Variants in DAB1 observed in about 807,000 individuals in gnomAD.
DAB1 encodes DAB adaptor protein 1, also known as disabled homolog 1.
In DAB1, 15 loss-of-function variants were observed where a neutral mutation model predicts 64.6. That is an observed-to-expected ratio of 0.23 (90% confidence interval 0.16 to 0.36). The LOEUF (loss-of-function observed/expected upper bound fraction) is 0.36. Among genes scored for constraint, DAB1 ranks in the 10% least tolerant of loss-of-function variants. The probability of loss-of-function intolerance (pLI) is 1.00; values close to 1 mark genes in which losing one functional copy is unlikely to be tolerated. For missense variants in DAB1, 596 were observed against 706.7 expected, an observed-to-expected ratio of 0.84 and a Z score of 1.78; for synonymous variants, 235 against 251.9, an observed-to-expected ratio of 0.93 and a Z score of 0.64.
At chr1:58,242,201 A>G (rs1194513363) in intron 4 of DAB1, among the ~76,000 whole-genome samples, 1 of 152,110 alleles carries the variant, frequency 6.6e-6, no homozygotes, top group Non-Finnish European at 1.5e-5. Context: ...ATAGTTTTCC[A>G]TAGCGTTTTA....
intron 5 of DAB1, among the ~76,000 whole-genome samples, chr1:58,061,519 A>G (rs1238678308): frequency 1.3e-5 from 2 of 152,178 alleles, no homozygotes; most frequent in Non-Finnish European, 2.9e-5. Context: ...CTGTCTGTCC[A>G]AATTTTCCCT....
At chr1:58,295,349 T>C (rs1029854471) in intron 4 of DAB1, among the ~76,000 whole-genome samples, 2 of 152,156 alleles carry the variant, frequency 1.3e-5, no homozygotes, top group Non-Finnish European at 2.9e-5. Context: ...AAATAATTGA[T>C]TTCAGTCACG....
intron 2 of DAB1, among the ~76,000 whole-genome samples, chr1:58,515,238 A>G (rs1005760572): frequency 1.3e-5 from 2 of 152,198 alleles, no homozygotes; most frequent in Non-Finnish European, 2.9e-5. Context: ...TCTTGAGATA[A>G]TTTCAGCTAA....
At chr1:58,050,794 G>T (rs547973108) in intron 5 of DAB1, among the ~76,000 whole-genome samples, 1 of 152,252 alleles carries the variant, frequency 6.6e-6, no homozygotes, top group East Asian at 1.9e-4. Flanking sequence ...CTCCCAAAGT[G>T]CTGAGATTAC....
At chr1:57,929,732 G>A (rs1430849698) in intron 5 of DAB1, among the ~76,000 whole-genome samples, 1 of 152,146 alleles carries the variant, frequency 6.6e-6, no homozygotes, top group African/African-American at 2.4e-5. Context: ...AAAGGTCCAA[G>A]GGGAAGCATG....
chr1:58,210,126 AT>A lies in DAB1; in HGVS notation n.310-59539del, dbSNP rs539337087. Reference sequence around the variant, plus strand: ...ACTTACAACAACTCTTGAGGTTGATATTTTTACACGAATTTTTAAAATATAA... The same window carrying A: ...ACTTACAACAACTCTTGAGGTTGATATTTTACACGAATTTTTAAAATATAA... On this transcript the variant is annotated intron_variant and non_coding_transcript_variant, in intron 4 of 20. Coordinates refer to the DAB1 transcript ENST00000485760. Among the ~76,000 whole-genome samples the A allele has an allele frequency of 8.5e-5, 13 of 152,306 alleles. No individual in the cohort carries two copies. In the South Asian group the frequency reaches 2.7e-3, roughly 32 times the overall value.
rs140675206 is a variant in DAB1 at position 58,008,315 on chromosome 1, T to C, written n.388-124153A>G. Reference sequence around the variant, plus strand: ...TAAGGTGTATGGATCTTGTGGTAAATAATTATAATATAGGGTAAAGGTAAA... The same window carrying C: ...TAAGGTGTATGGATCTTGTGGTAAACAATTATAATATAGGGTAAAGGTAAA... On this transcript the variant is annotated intron_variant and non_coding_transcript_variant, in intron 5 of 20. Coordinates refer to the DAB1 transcript ENST00000485760. 2.7e-3 allele frequency among the ~76,000 whole-genome samples: 413 copies of C among 152,160 alleles called. 1 individual carries two copies. Among genetic ancestry groups the C allele is most frequent in the Non-Finnish European group, 4.5e-3 (309 of 67,990 alleles).
At chr1:58,326,623 A>G (rs888918641) in intron 4 of DAB1, among the ~76,000 whole-genome samples, 2 of 152,222 alleles carry the variant, frequency 1.3e-5, no homozygotes, top group Non-Finnish European at 2.9e-5. Context: ...TAATTCTGAC[A>G]GCAACCCAGT....
At chr1:57,980,687 T>C (rs1245961488) in intron 5 of DAB1, among the ~76,000 whole-genome samples, 1 of 152,172 alleles carries the variant, frequency 6.6e-6, no homozygotes, top group Non-Finnish European at 1.5e-5. Flanking sequence ...CCATTCCTGA[T>C]AAAATGGATA....
chr1:57,892,482 A>G (rs1353123440), intron 5 of DAB1, among the ~76,000 whole-genome samples: 1 of 152,176 alleles, frequency 6.6e-6, no homozygotes, highest in African/African-American at 2.4e-5. Flanking sequence ...ATAGGTCACT[A>G]TTAATATTAT....
chr1:58,529,226 C>T (rs1243303479), intron 1 of DAB1, among the ~76,000 whole-genome samples: 1 of 152,126 alleles, frequency 6.6e-6, no homozygotes, highest in African/African-American at 2.4e-5. Flanking sequence ...CAATTTGTCT[C>T]ATAGAATTTT....
At chr1:57,744,597 A>G (rs1186156000) in intron 6 of DAB1, among the ~76,000 whole-genome samples, 24 of 152,160 alleles carry the variant, frequency 1.6e-4, no homozygotes. Context: ...AGGAAGTGGA[A>G]AGAAAACTAT....
chr1:57,356,300 A>G (rs1426361213), intron 1 of DAB1, among the ~76,000 whole-genome samples: 1 of 152,130 alleles, frequency 6.6e-6, no homozygotes, highest in Non-Finnish European at 1.5e-5. Context: ...ACATGACTTA[A>G]ACTTGCTCAG....
chr1:57,884,990 A>G (rs1644201443), upstream of DAB1, among the ~76,000 whole-genome samples: 1 of 152,206 alleles, frequency 6.6e-6, no homozygotes, highest in African/African-American at 2.4e-5. Flanking sequence ...CCTCAGTAGC[A>G]GATGTTGGCA....
At chr1:57,774,991 T>C (rs1246518977) in intron 6 of DAB1, among the ~76,000 whole-genome samples, 2 of 151,670 alleles carry the variant, frequency 1.3e-5, no homozygotes, top group African/African-American at 4.8e-5. Context: ...TCTATCAACT[T>C]TTTAAAGTTT....
intron 5 of DAB1, among the ~76,000 whole-genome samples, chr1:57,959,180 A>T (rs1317747937): frequency 1.3e-5 from 2 of 152,170 alleles, no homozygotes; most frequent in Non-Finnish European, 2.9e-5. Context: ...TGTATTCCTT[A>T]ACCTTTCATT....
At chr1:57,380,445 A>G (rs139541301) in intron 1 of DAB1, among the ~76,000 whole-genome samples, 2 of 152,338 alleles carry the variant, frequency 1.3e-5, no homozygotes, top group East Asian at 1.9e-4. Flanking sequence ...ACTTTTTACC[A>G]TAGCTAACAT....
chr1:57,957,715 C>T (rs1001934881), intron 5 of DAB1, among the ~76,000 whole-genome samples: 6 of 152,006 alleles, frequency 3.9e-5, no homozygotes, highest in East Asian at 1.9e-4. Context: ...GATTGGTCAA[C>T]GAGGTAGAAA....
chr1:57,176,562 A>G (rs1486695341), intron 2 of DAB1, among the ~76,000 whole-genome samples: 1 of 152,120 alleles, frequency 6.6e-6, no homozygotes, highest in Non-Finnish European at 1.5e-5. Context: ...TGAATCATAT[A>G]TTAAACGAAA....
Sources: gnomAD v4.1 joint callset for allele counts (sites outside exome capture counted in the v4.1 genomes callset) on GRCh38, gnomAD v4.1.1 for gene constraint, MANE v1.5 for transcripts, NCBI Gene and HGNC (gene_info 2026-07-23, HGNC 2026-07-21) for gene names.